Variants in GPM6A observed in about 807,000 individuals in gnomAD.
The protein encoded by GPM6A is glycoprotein M6A.
GPM6A carries 7 observed loss-of-function variants against 32.1 expected under a neutral mutation model. The observed-to-expected ratio is 0.22, with a 90% CI of 0.12 to 0.41. GPM6A has a LOEUF of 0.41. GPM6A is among the 10% of genes least tolerant of loss of function. The probability of loss-of-function intolerance (pLI) is 1.00; values close to 1 mark genes in which losing one functional copy is unlikely to be tolerated. For missense variants in GPM6A, 235 were observed against 347.2 expected (o/e 0.68, Z 2.57); for synonymous variants, 130 against 123.4 (o/e 1.05, Z -0.35).
chr4:175,670,849 C>CCCA lies in GPM6A; in HGVS notation c.387+2830_387+2831insTGG, dbSNP rs533864470. Among the ~76,000 whole-genome samples, 24 of 146,844 alleles carry CCCA rather than the reference C, an allele frequency of 1.6e-4. No individual in the cohort carries two copies. The East Asian group carries it at 4.8e-3, about 29-fold the overall frequency. On this transcript the variant is annotated intron_variant, in intron 3 of 6. Transcript: ENST00000393658. ...GATTATCACTCTCCATTCAGTGATA[C>CCCA]AATGTTGCTTCATTTTTTTTTTTTT... is the stretch of plus-strand genomic sequence containing the variant.
chr4:175,991,364 T>G (rs1741137001), intron 1 of GPM6A, among the ~76,000 whole-genome samples: 1 of 151,854 alleles, frequency 6.6e-6, no homozygotes, highest in Non-Finnish European at 1.5e-5. Context: ...GCATAGCCAC[T>G]GCGCCTGGCC....
chr4:175,963,115 A>G (rs1054826593), intron 1 of GPM6A, among the ~76,000 whole-genome samples: 21 of 152,166 alleles, frequency 1.4e-4, no homozygotes, highest in Non-Finnish European at 2.4e-4. Flanking sequence ...ACATCAAAAA[A>G]GAAATGTAAA....
intron 1 of GPM6A, among the ~76,000 whole-genome samples, chr4:175,760,212 T>A (rs184970002): frequency 4.6e-5 from 7 of 151,860 alleles, no homozygotes; most frequent in Non-Finnish European, 8.8e-5. Flanking sequence ...ATAAAATAAA[T>A]CTAAATAAAT....
chr4:175,700,593 T>C (rs143719104), intron 2 of GPM6A, among the ~76,000 whole-genome samples: 1,549 of 152,308 alleles, frequency 0.01, 15 homozygotes, highest in Middle Eastern at 0.02. Context: ...AAGCATCATA[T>C]TAGTTAAAAA....
At chr4:175,777,504 G>A (rs1275662233) in intron 1 of GPM6A, among the ~76,000 whole-genome samples, 1 of 151,796 alleles carries the variant, frequency 6.6e-6, no homozygotes, top group Non-Finnish European at 1.5e-5. Flanking sequence ...GTGAGATAGA[G>A]AACATTCTCT....
At chr4:175,788,598 G>C (rs1733891899) in intron 1 of GPM6A, among the ~76,000 whole-genome samples, 2 of 152,048 alleles carry the variant, frequency 1.3e-5, no homozygotes, top group African/African-American at 4.8e-5. Context: ...GTAAGAGACA[G>C]TTATAAACTA....
chr4:175,683,224 C>A (rs1385351720), intron 2 of GPM6A, among the ~76,000 whole-genome samples: 1 of 152,180 alleles, frequency 6.6e-6, no homozygotes, highest in East Asian at 1.9e-4. Flanking sequence ...GTATTTTGAA[C>A]TTGCATGGGG....
Position 175,637,275 on chromosome 4 carries a change from T to C in GPM6A, c.685-2218A>G, listed in dbSNP as rs71644865. Among the ~76,000 whole-genome samples the C allele has an allele frequency of 1.5e-4, 8 of 53,260 alleles. 1 individual carries two copies. The East Asian group carries it at 3.0e-3, about 20-fold the overall frequency. The allele number at this position is 53,260 out of a possible 152,430, so 34.9% of individuals were successfully genotyped here. Reference sequence around the variant, plus strand: ...ATAATATAAAATATATATTATATATTATATATTATATAAAATATATATTAT... The same window carrying C: ...ATAATATAAAATATATATTATATATCATATATTATATAAAATATATATTAT... On this transcript the variant is annotated intron_variant, in intron 6 of 6. Coordinates refer to ENST00000393658, the MANE Select transcript of GPM6A (RefSeq NM_201591.3).
chr4:175,933,262 C>T (rs1374277779), intron 1 of GPM6A, among the ~76,000 whole-genome samples: 1 of 152,110 alleles, frequency 6.6e-6, no homozygotes, highest in African/African-American at 2.4e-5. Flanking sequence ...TATCTCCAAT[C>T]TTCAGAGAAA....
chr4:175,902,826 G>A (rs1192832112), intron 1 of GPM6A, among the ~76,000 whole-genome samples: 1 of 151,828 alleles, frequency 6.6e-6, no homozygotes, highest in Non-Finnish European at 1.5e-5. Flanking sequence ...GTGTGTCTGC[G>A]CCCTAGTTTT....
chr4:175,772,690 A>G (rs191489867), intron 1 of GPM6A, among the ~76,000 whole-genome samples: 8 of 152,320 alleles, frequency 5.3e-5, no homozygotes, highest in Admixed American at 5.2e-4. Flanking sequence ...CACTTTCCAC[A>G]TTCTCTTGGG....
At chr4:175,695,614 T>A (rs1461285162) in intron 2 of GPM6A, among the ~76,000 whole-genome samples, 1 of 152,224 alleles carries the variant, frequency 6.6e-6, no homozygotes, top group Non-Finnish European at 1.5e-5. Flanking sequence ...CTCAATTGTA[T>A]CTTGGGAGTA....
At chr4:175,699,102 C>T (rs1387800745) in intron 2 of GPM6A, among the ~76,000 whole-genome samples, 1 of 152,106 alleles carries the variant, frequency 6.6e-6, no homozygotes, top group African/African-American at 2.4e-5. Context: ...ATGTTAAGGA[C>T]ATCTGTGATG....
chr4:175,937,977 A>G (rs1191007092), intron 1 of GPM6A, among the ~76,000 whole-genome samples: 1 of 152,066 alleles, frequency 6.6e-6, no homozygotes, highest in African/African-American at 2.4e-5. Flanking sequence ...TCTAAAGTTG[A>G]TAGTCAGTTA....
chr4:175,730,862 C>A (rs540250186), intron 1 of GPM6A, among the ~76,000 whole-genome samples: 2 of 152,272 alleles, frequency 1.3e-5, no homozygotes, highest in East Asian at 3.9e-4. Flanking sequence ...AAACTGCCCA[C>A]TAATGACCCC....
intron 1 of GPM6A, 126 bp downstream of exon 1, chr4:175,812,065 G>C (rs1734940706): frequency 2.9e-6 from 2 of 689,572 alleles, no homozygotes; most frequent in East Asian, 2.8e-5. Context: ...CAGACTAAAG[G>C]AGAGGAAGGA....
In GPM6A at chr4:175,637,130, ATATAT is replaced by A. The variant is rs1179481515; in HGVS notation, c.685-2078_685-2074del. On this transcript the variant is annotated intron_variant, in intron 6 of 6. Coordinates refer to ENST00000393658, the MANE Select transcript of GPM6A (RefSeq NM_201591.3). ...TATTATATGTGATATATAATATATAATATATTATATATGATATATTATATGTCACA... is the reference window on the plus strand; with the variant it reads ...TATTATATGTGATATATAATATATAATATATATGATATATTATATGTCACA... 7.1e-3 allele frequency among the ~76,000 whole-genome samples: 621 copies of A among 87,728 alleles called. 10 individuals carry two copies. The highest frequency in any genetic ancestry group is 0.025 in the African/African-American group (542 of 21,568). 57.6% of individuals were successfully genotyped at this position (87,728 alleles called of 152,430 possible). A position where few individuals can be genotyped will look rare whatever the true frequency, so the allele number is the denominator to read the frequency against.
chr4:175,810,540 A>C (rs541294086), intron 1 of GPM6A, among the ~76,000 whole-genome samples: 1 of 151,110 alleles, frequency 6.6e-6, no homozygotes, highest in Non-Finnish European at 1.5e-5. Flanking sequence ...AGAAAAAAAC[A>C]TCACAACTAA....
intron 1 of GPM6A, among the ~76,000 whole-genome samples, chr4:175,826,444 T>C (rs1168162261): frequency 2.0e-5 from 3 of 152,130 alleles, no homozygotes; most frequent in Admixed American, 6.5e-5. Context: ...TTAAATGTAA[T>C]ACTATTATGT....
Sources: allele counts gnomAD v4.1 joint callset (sites outside exome capture counted in the v4.1 genomes callset), GRCh38; gene constraint gnomAD v4.1.1; transcripts MANE v1.5; gene names NCBI Gene and HGNC (gene_info 2026-07-23, HGNC 2026-07-21).